KAZN: variants seen among roughly 807,000 people sequenced by gnomAD.
KAZN encodes the protein kazrin, periplakin interacting protein.
A neutral mutation model predicts 87.4 loss-of-function variants in KAZN; 40 were observed. The ratio of observed to expected loss-of-function variants is 0.46; its 90% CI spans 0.36 to 0.60. The LOEUF is 0.60. Ranked by LOEUF, KAZN falls within the 20% of genes least tolerant of loss-of-function variation. The pLI is 0.00. For missense variants in KAZN, 898 were observed against 1,073.9 expected, an observed-to-expected ratio of 0.84 and a Z score of 2.29; for synonymous variants, 466 against 458.3, an observed-to-expected ratio of 1.02 and a Z score of -0.22.
chr1:14,517,081 CAGAG>C (rs1178673361), intron 2 of KAZN, among the ~76,000 whole-genome samples: 1 of 152,114 alleles, frequency 6.6e-6, no homozygotes, highest in South Asian at 2.1e-4. Context: ...TGCAAAGAGA[CAGAG>C]AGAGGCATAA....
Position 15,096,368 on chromosome 1 carries a change from A to G in KAZN, c.1547+1435A>G, listed in dbSNP as rs1226765847. Reference sequence around the variant, plus strand: ...GTGGGGGCAAGGGCAGAAAAACAAAAACACTAAAAGCCACTTTGATTTTGA... The same window carrying G: ...GTGGGGGCAAGGGCAGAAAAACAAAGACACTAAAAGCCACTTTGATTTTGA... On this transcript the variant is annotated intron_variant, in intron 10 of 14. Transcript: ENST00000376030. The surrounding 1 kb of genome is among the most constrained non-coding windows in gnomAD (Gnocchi z 4.5). Among the ~76,000 whole-genome samples, 4 of 152,198 alleles carry G rather than the reference A, an allele frequency of 2.6e-5. No homozygotes were observed. Among genetic ancestry groups the G allele is most frequent in the African/African-American group, 4.8e-5 (2 of 41,442 alleles).
chr1:15,065,983 T>C, intron 8 of KAZN: 1 of 1,349,914 alleles, frequency 7.4e-7, no homozygotes, highest in Non-Finnish European at 9.5e-7. Flanking sequence ...CTCTCTCCCC[T>C]GCGTCGCCAC....
intron 2 of KAZN, among the ~76,000 whole-genome samples, chr1:14,397,928 C>T (rs1318984704): frequency 6.6e-6 from 1 of 151,050 alleles, no homozygotes; most frequent in Non-Finnish European, 1.5e-5. Context: ...CTTCACGAGT[C>T]CTTGCCTGAT....
intron 1 of KAZN, among the ~76,000 whole-genome samples, chr1:14,843,386 A>G (rs1370773880): frequency 5.9e-5 from 9 of 152,232 alleles, no homozygotes; most frequent in Non-Finnish European, 1.2e-4. Context: ...AAAGGATGGC[A>G]GGGAGGGAGT....
At chr1:14,185,895 A>G (rs1390261313) in intron 2 of KAZN, among the ~76,000 whole-genome samples, 1 of 152,180 alleles carries the variant, frequency 6.6e-6, no homozygotes, top group East Asian at 1.9e-4. Flanking sequence ...ATAAAGCAAA[A>G]TGTTCAGAGA....
chr1:14,191,079 A>G (rs758177753), intron 2 of KAZN, among the ~76,000 whole-genome samples: 24 of 152,188 alleles, frequency 1.6e-4, no homozygotes, highest in Non-Finnish European at 3.1e-4. Context: ...GTTTTACACC[A>G]TTCATCCAGC....
At chr1:14,908,846 C>G (rs1656903199) in intron 1 of KAZN, among the ~76,000 whole-genome samples, 1 of 152,016 alleles carries the variant, frequency 6.6e-6, no homozygotes, top group African/African-American at 2.4e-5. Context: ...GAAACCCCAT[C>G]TCTACTAAAT....
intron 2 of KAZN, among the ~76,000 whole-genome samples, chr1:14,572,630 C>T (rs984459864): frequency 2.0e-5 from 3 of 152,168 alleles, no homozygotes; most frequent in Non-Finnish European, 4.4e-5. Flanking sequence ...CTTGGCCGAG[C>T]GGCTCTGTCG....
rs145905598 is a variant in KAZN, at chr1:13,991,330, A to G, written c.91+97574A>G. 4.2e-3 allele frequency among the ~76,000 whole-genome samples: 636 copies of G among 152,190 alleles called. 4 individuals are homozygous for G. Among genetic ancestry groups the G allele is most frequent in the African/African-American group, 0.015 (616 of 41,512 alleles). ...GAGGGCTAGGGGAGGGATAGCATTA[A>G]GAGAAATACCTAATGTGGTTGATGG... On this transcript the variant is annotated intron_variant, in intron 1 of 16. Coordinates refer to the KAZN transcript ENST00000636203.
At chr1:15,085,358 C>T (rs1640201479) in intron 8 of KAZN, among the ~76,000 whole-genome samples, 1 of 152,126 alleles carries the variant, frequency 6.6e-6, no homozygotes, top group African/African-American at 2.4e-5. Context: ...GATGGAGTTT[C>T]ACTCTGTCAC....
At chr1:14,088,276 A>C (rs989951679) in intron 1 of KAZN, among the ~76,000 whole-genome samples, 1 of 151,842 alleles carries the variant, frequency 6.6e-6, no homozygotes, top group South Asian at 2.1e-4. Flanking sequence ...ATTTCATACT[A>C]TAAATTTCCC....
At position 13,921,173 on chromosome 1, in the gene KAZN, A is replaced by G. The variant is rs376515193; in HGVS notation, c.91+27417A>G. Among the ~76,000 whole-genome samples, 10 of 152,328 alleles carry G rather than the reference A, an allele frequency of 6.6e-5. No individual in the cohort carries two copies. In the East Asian group the frequency reaches 9.6e-4, roughly 15 times the overall value. On this transcript the variant is annotated intron_variant, in intron 1 of 16. Transcript: ENST00000636203. ...TTTTATTTCCATAATACATTTTATA[A>G]TCAGTTTATCAATGTTTGAAATGAT...
Position 15,043,768 on chromosome 1 carries a change from G to A in KAZN, c.556-221G>A, listed in dbSNP as rs372853534. On this transcript the variant is annotated intron_variant, in intron 3 of 14. Coordinates refer to ENST00000376030, the MANE Select transcript of KAZN (RefSeq NM_201628.3). ...TGCCATTCTCCTGCCTCAGCCTCCC[G>A]AGTAGCTGGGACTACAGGTGCCCGC... 5.8e-4 allele frequency among the ~76,000 whole-genome samples: 87 copies of A among 150,432 alleles called. No homozygotes were observed. In the East Asian group the frequency reaches 0.015, roughly 26 times the overall value.
chr1:13,927,783 A>G (rs542579380), intron 1 of KAZN, among the ~76,000 whole-genome samples: 1 of 152,328 alleles, frequency 6.6e-6, no homozygotes, highest in East Asian at 1.9e-4. Flanking sequence ...ACAGAGAGGA[A>G]ACTGGATGTG....
intron 1 of KAZN, among the ~76,000 whole-genome samples, chr1:13,921,383 G>C (rs1206731549): frequency 6.6e-6 from 1 of 152,194 alleles, no homozygotes; most frequent in Non-Finnish European, 1.5e-5. Context: ...CAGTGTGAAA[G>C]TAGCCACAGG....
At chr1:14,286,979 A>G in intron 2 of KAZN, among the ~76,000 whole-genome samples, 1 of 152,134 alleles carries the variant, frequency 6.6e-6, no homozygotes, top group Non-Finnish European at 1.5e-5. Flanking sequence ...ATATGAATTG[A>G]GGGAAAATTT....
At chr1:14,669,813 A>T (rs1289460199) in intron 1 of KAZN, among the ~76,000 whole-genome samples, 1 of 152,204 alleles carries the variant, frequency 6.6e-6, no homozygotes, top group African/African-American at 2.4e-5. Flanking sequence ...TCCAATATTA[A>T]AACCTCTCCC....
chr1:14,640,044 G>A (rs1279092046), intron 1 of KAZN, among the ~76,000 whole-genome samples: 1 of 152,186 alleles, frequency 6.6e-6, no homozygotes, highest in African/African-American at 2.4e-5. Context: ...CTTGGAAACT[G>A]GAAATCCACA....
chr1:14,025,633 G>A (rs1339309419), intron 1 of KAZN, among the ~76,000 whole-genome samples: 7 of 152,204 alleles, frequency 4.6e-5, no homozygotes, highest in African/African-American at 9.6e-5. Context: ...ATGGATATAC[G>A]TTATATTTTC....
Sources: gnomAD v4.1 joint callset for allele counts (sites outside exome capture counted in the v4.1 genomes callset) on GRCh38, gnomAD v4.1.1 for gene constraint, Gnocchi (gnomAD v3.1) non-coding constraint, MANE v1.5 for transcripts, NCBI Gene and HGNC (gene_info 2026-07-23, HGNC 2026-07-21) for gene names.